Variants in AUTS2 observed in about 807,000 individuals in gnomAD.
AUTS2 encodes activator of transcription and developmental regulator AUTS2, also known as autism susceptibility gene 2 protein.
Under a neutral mutation model 112.4 loss-of-function variants are expected in AUTS2, and 17 were observed. The observed-to-expected ratio is 0.15, with a 90% CI of 0.10 to 0.23. The LOEUF is 0.23. Ranked by LOEUF, AUTS2 falls within the 10% of genes least tolerant of loss-of-function variation. The pLI, the probability that AUTS2 is intolerant of heterozygous loss-of-function variation, is 1.00. For synonymous variants in AUTS2, 751 were observed against 702.7 expected (o/e 1.07, Z -1.09); for missense variants, 1,510 against 1,701.6 (o/e 0.89, Z 1.98).
At chr7:70,142,041 A>T (rs1421820284) in intron 4 of AUTS2, among the ~76,000 whole-genome samples, 1 of 152,218 alleles carries the variant, frequency 6.6e-6, no homozygotes, top group Non-Finnish European at 1.5e-5. Flanking sequence ...TGCAACCAAT[A>T]ATTTTAACCC....
chr7:70,603,718 A>G (rs1198743899), intron 5 of AUTS2, among the ~76,000 whole-genome samples: 1 of 152,228 alleles, frequency 6.6e-6, no homozygotes, highest in Non-Finnish European at 1.5e-5. Context: ...AAAGAAAATC[A>G]GGAAAAGAGC....
intron 4 of AUTS2, among the ~76,000 whole-genome samples, chr7:70,366,724 T>G (rs1430425069): frequency 6.6e-6 from 1 of 151,860 alleles, no homozygotes; most frequent in Non-Finnish European, 1.5e-5. Flanking sequence ...ATTTTAGAGG[T>G]GATAGTGGAT....
intron 2 of AUTS2, among the ~76,000 whole-genome samples, chr7:70,059,342 A>G (rs1367091730): frequency 6.6e-6 from 1 of 152,100 alleles, no homozygotes; most frequent in Non-Finnish European, 1.5e-5. Context: ...TTAATAGCTC[A>G]TTTCTTCTTA....
At chr7:70,303,879 G>A (rs1789361205) in intron 4 of AUTS2, among the ~76,000 whole-genome samples, 1 of 151,930 alleles carries the variant, frequency 6.6e-6, no homozygotes, top group Non-Finnish European at 1.5e-5. Flanking sequence ...TTTTCTCTCT[G>A]GTGATTGTGT....
chr7:70,768,556 TTGTTC>T (rs1255094043), intron 10 of AUTS2, among the ~76,000 whole-genome samples: 2 of 152,210 alleles, frequency 1.3e-5, no homozygotes, highest in African/African-American at 2.4e-5. Flanking sequence ...ATGGCTGGTA[TTGTTC>T]TGTTGAGTTT....
At chr7:70,352,424 A>G (rs368574748) in intron 4 of AUTS2, among the ~76,000 whole-genome samples, 1 of 152,134 alleles carries the variant, frequency 6.6e-6, no homozygotes, top group Non-Finnish European at 1.5e-5. Context: ...CCCTGAGGGT[A>G]GAAAGTCTGT....
At chr7:70,316,732 C>T (rs575366009) in intron 4 of AUTS2, among the ~76,000 whole-genome samples, 125 of 152,148 alleles carry the variant, frequency 8.2e-4, no homozygotes, top group Admixed American at 1.6e-3. Context: ...TGTTTTGATC[C>T]TAAGGAGACA....
intron 1 of AUTS2, among the ~76,000 whole-genome samples, chr7:69,755,110 A>G (rs545995283): frequency 6.6e-6 from 1 of 152,198 alleles, no homozygotes; most frequent in African/African-American, 2.4e-5. Context: ...GTCACCCATC[A>G]AGTGGTTTGG....
At chr7:69,914,011 A>T (rs892792463) in intron 2 of AUTS2, among the ~76,000 whole-genome samples, 1 of 152,132 alleles carries the variant, frequency 6.6e-6, no homozygotes, top group South Asian at 2.1e-4. Context: ...TTTCTCGACC[A>T]TATGGTTTAT....
chr7:70,301,960 T>C (rs570565296), intron 4 of AUTS2, among the ~76,000 whole-genome samples: 3 of 151,954 alleles, frequency 2.0e-5, no homozygotes, highest in African/African-American at 7.2e-5. Context: ...GTATTTTTTG[T>C]AGAGGCGCAT....
chr7:70,407,496 A>G (rs1441806820), intron 4 of AUTS2, among the ~76,000 whole-genome samples: 3 of 152,226 alleles, frequency 2.0e-5, no homozygotes, highest in East Asian at 3.8e-4. Flanking sequence ...ACACCCAAGT[A>G]AAAGCCATGT....
intron 1 of AUTS2, among the ~76,000 whole-genome samples, chr7:69,795,128 G>A (rs1274490033): frequency 1.3e-5 from 2 of 152,136 alleles, no homozygotes; most frequent in Non-Finnish European, 2.9e-5. Flanking sequence ...AAAATGCCTG[G>A]ACATAGGAAG....
chr7:70,546,647 C>T (rs1330431701), intron 5 of AUTS2, among the ~76,000 whole-genome samples: 1 of 151,532 alleles, frequency 6.6e-6, no homozygotes, highest in Admixed American at 6.6e-5. Flanking sequence ...GGCATGGTGG[C>T]GGGCACCTGT....
intron 4 of AUTS2, among the ~76,000 whole-genome samples, chr7:70,176,245 A>G (rs1247414420): frequency 3.9e-5 from 6 of 152,230 alleles, no homozygotes; most frequent in African/African-American, 1.4e-4. Context: ...CATAGTACGT[A>G]CAAGAAAGCT....
chr7:70,323,756 A>T (rs945850232), intron 4 of AUTS2, among the ~76,000 whole-genome samples: 1 of 152,214 alleles, frequency 6.6e-6, no homozygotes, highest in Non-Finnish European at 1.5e-5. Context: ...TTCATTAGCT[A>T]TAATATCATG....
chr7:70,033,919 A>T (rs1389512827), intron 2 of AUTS2, among the ~76,000 whole-genome samples: 1 of 152,132 alleles, frequency 6.6e-6, no homozygotes, highest in African/African-American at 2.4e-5. Context: ...GAACACCGTT[A>T]ATCTTTTATT....
chr7:70,176,930 T>G (rs1053051695), intron 4 of AUTS2, among the ~76,000 whole-genome samples: 6 of 152,196 alleles, frequency 3.9e-5, no homozygotes, highest in African/African-American at 1.4e-4. Flanking sequence ...TATGAATTGT[T>G]TTCTTAGTGT....
intron 2 of AUTS2, among the ~76,000 whole-genome samples, chr7:69,991,854 G>A (rs932725923): frequency 2.0e-5 from 3 of 152,084 alleles, no homozygotes; most frequent in East Asian, 1.9e-4. Context: ...TCTTGATATC[G>A]GAATACTTTC....
At chr7:70,451,523 G>A (rs1037605563) in intron 5 of AUTS2, among the ~76,000 whole-genome samples, 3 of 151,520 alleles carry the variant, frequency 2.0e-5, no homozygotes, top group Non-Finnish European at 2.9e-5. Flanking sequence ...ATTTTTAAAT[G>A]TACATTTCAG....
Sources: allele counts gnomAD v4.1 joint callset (sites outside exome capture counted in the v4.1 genomes callset), GRCh38; gene constraint gnomAD v4.1.1; transcripts MANE v1.5; gene names NCBI Gene and HGNC (gene_info 2026-07-23, HGNC 2026-07-21).